Variants in SENP5 observed in about 807,000 individuals in gnomAD.
SENP5 encodes the protein sentrin-specific protease 5.
Under a neutral mutation model 74.2 loss-of-function variants are expected in SENP5, and 21 were observed. The observed-to-expected ratio is 0.28, with a 90% CI of 0.20 to 0.41. The LOEUF (loss-of-function observed/expected upper bound fraction) is 0.41, where lower values mean the gene tolerates loss of function less well. Ranked by LOEUF, SENP5 falls within the 10% of genes least tolerant of loss-of-function variation. The pLI, the probability that SENP5 is intolerant of heterozygous loss-of-function variation, is 1.00. For missense variants in SENP5, 717 were observed against 889.1 expected, an observed-to-expected ratio of 0.81 and a Z score of 2.46; for synonymous variants, 311 against 312.7, an observed-to-expected ratio of 0.99 and a Z score of 0.06.
In SENP5 at chr3:196,929,633, T is replaced by G; in HGVS notation, c.2107T>G (p.Cys703Gly). The change falls in exon 9 of 10, where the codon TGT becomes GGT. Residue 703 changes from cysteine (C) to glycine (G), a missense_variant and splice_region_variant. This residue lies in a region of SENP5 where 85 missense variants were observed against 188.9 expected (regional missense o/e 0.45). Coordinates refer to ENST00000323460, the MANE Select transcript of SENP5 (RefSeq NM_152699.5). ...LQGWQTAVTK[C>G]IPQQKNDSDC... ...ATGACTATTTTGTTTTTCCCTTCAG[T>G]GTATTCCACAACAGAAAAACGACAG... 6.3e-7 allele frequency: 1 copy of G among 1,595,854 alleles called. No homozygotes were observed. The highest frequency in any genetic ancestry group is 8.6e-7 in the Non-Finnish European group (1 of 1,165,516).
intron 2 of SENP5, among the ~76,000 whole-genome samples, chr3:196,889,058 T>C (rs1286397899): frequency 1.3e-5 from 2 of 151,306 alleles, no homozygotes; most frequent in Non-Finnish European, 1.5e-5. Context: ...GGAGCTTGCA[T>C]TGAGCTGAGA....
intron 5 of SENP5, among the ~76,000 whole-genome samples, chr3:196,902,713 A>G (rs1004124526): frequency 3.3e-5 from 5 of 152,220 alleles, no homozygotes; most frequent in African/African-American, 9.6e-5. Flanking sequence ...TTTACCCTCT[A>G]AGATGAGCTG....
intron 6 of SENP5, among the ~76,000 whole-genome samples, chr3:196,921,774 A>T (rs1715629124): frequency 6.6e-6 from 1 of 152,234 alleles, no homozygotes; most frequent in Non-Finnish European, 1.5e-5. Flanking sequence ...TTAACAGAAG[A>T]TTCATTTAGA....
intron 2 of SENP5, among the ~76,000 whole-genome samples, chr3:196,888,007 A>G (rs889661081): frequency 1.3e-5 from 2 of 152,236 alleles, no homozygotes; most frequent in Non-Finnish European, 1.5e-5. Flanking sequence ...AGCTCAGGCA[A>G]TCTGCCCGCC....
At chr3:196,893,345 A>G (rs897627033) in intron 2 of SENP5, among the ~76,000 whole-genome samples, 2 of 152,198 alleles carry the variant, frequency 1.3e-5, no homozygotes, top group African/African-American at 2.4e-5. Context: ...AGACATTTAA[A>G]TCTTGTGTGC....
intron 2 of SENP5, among the ~76,000 whole-genome samples, chr3:196,891,089 A>G (rs1034318796): frequency 6.6e-6 from 1 of 152,242 alleles, no homozygotes; most frequent in Non-Finnish European, 1.5e-5. Flanking sequence ...AAAATTTGGT[A>G]TATCTATACA....
intron 6 of SENP5, among the ~76,000 whole-genome samples, chr3:196,909,189 A>G (rs937584094): frequency 1.3e-5 from 2 of 151,976 alleles, no homozygotes; most frequent in African/African-American, 2.4e-5. Context: ...CTGGACACAT[A>G]CACCTTCCCA....
intron 1 of SENP5, among the ~76,000 whole-genome samples, chr3:196,883,729 C>T (rs1243081964): frequency 6.6e-6 from 1 of 151,764 alleles, no homozygotes; most frequent in Non-Finnish European, 1.5e-5. Flanking sequence ...ACTCTTGTCT[C>T]CCAGGCTGGA....
rs557471391 is a variant in SENP5 at position 196,894,280 on chromosome 3, C to T, written c.1514-5386C>T. On this transcript the variant is annotated intron_variant, in intron 2 of 9. Transcript: ENST00000323460. ...TTGGGATGACAGGTGCCCGCCACCA[C>T]GCCCGGCTAATTTTGTATTTTTAGT... Among the ~76,000 whole-genome samples the T allele has an allele frequency of 4.0e-5, 6 of 151,756 alleles. No individual in the cohort carries two copies. In the South Asian group the frequency reaches 6.3e-4, roughly 16 times the overall value.
At position 196,893,657 on chromosome 3, in the gene SENP5, C is replaced by T. The variant is rs80260054; in HGVS notation, c.1514-6009C>T. 1.2e-3 allele frequency among the ~76,000 whole-genome samples: 187 copies of T among 152,182 alleles called. 5 individuals are homozygous for T. The East Asian group carries it at 0.03, about 25-fold the overall frequency. ...GGGCGCGGTGGCTCATGCCTGTAAT[C>T]CCAGCACTTTGGGAGGCCGAGGTGG... On this transcript the variant is annotated intron_variant, in intron 2 of 9. Coordinates refer to ENST00000323460, the MANE Select transcript of SENP5 (RefSeq NM_152699.5).
At chr3:196,874,740 G>T (rs1021820355) in intron 1 of SENP5, among the ~76,000 whole-genome samples, 3 of 152,096 alleles carry the variant, frequency 2.0e-5, no homozygotes, top group African/African-American at 7.2e-5. Flanking sequence ...TTGGCTGGGC[G>T]TGGTGGCGCA....
intron 2 of SENP5, among the ~76,000 whole-genome samples, chr3:196,895,889 G>T (rs544888430): frequency 7.2e-5 from 11 of 152,262 alleles, no homozygotes; most frequent in African/African-American, 2.2e-4. Context: ...TGTACTTGCA[G>T]AGTGCTCTGT....
chr3:196,923,631 A>T, intron 7 of SENP5, 80 bp downstream of exon 7: 1 of 939,832 alleles, frequency 1.1e-6, no homozygotes, highest in South Asian at 1.6e-5. Flanking sequence ...GAACAGCAGC[A>T]GTCAAAACCA....
chr3:196,902,819 C>T (rs945662329), intron 5 of SENP5, among the ~76,000 whole-genome samples: 5 of 152,218 alleles, frequency 3.3e-5, no homozygotes, highest in Non-Finnish European at 7.3e-5. Context: ...TAGAAATAAT[C>T]ATGCCAAGGC....
chr3:196,914,314 T>G (rs1715260843), intron 6 of SENP5: 1 of 151,992 alleles, frequency 6.6e-6, no homozygotes, highest in African/African-American at 2.4e-5. Context: ...ACTTGGTCAT[T>G]CATGCATTAG....
At chr3:196,898,132 C>T (rs531322043) in intron 2 of SENP5, among the ~76,000 whole-genome samples, 6 of 147,748 alleles carry the variant, frequency 4.1e-5, no homozygotes, top group Non-Finnish European at 5.9e-5. Context: ...GAGCCGAAAT[C>T]GCACCATTGC....
At chr3:196,913,315 C>T (rs1345097370) in intron 6 of SENP5, 1 of 151,990 alleles carries the variant, frequency 6.6e-6, no homozygotes, top group Non-Finnish European at 1.5e-5. Flanking sequence ...ATTAGCCGGG[C>T]AAGGTGGCAT....
At chr3:196,923,743 A>T (rs1383925968) in intron 7 of SENP5, among the ~76,000 whole-genome samples, 192 bp downstream of exon 7, 1 of 152,214 alleles carries the variant, frequency 6.6e-6, no homozygotes, top group Non-Finnish European at 1.5e-5. Context: ...TAGGATCCAG[A>T]TCCCCCTCTG....
Position 196,931,966 on chromosome 3 carries a change from G to A in SENP5, c.*1043G>A, listed in dbSNP as rs759741273. On this transcript the variant is annotated 3_prime_UTR_variant, in exon 10 of 10. Coordinates refer to ENST00000323460, the MANE Select transcript of SENP5 (RefSeq NM_152699.5). ...AGAGACAACTTAGTCCCATGGGAGC[G>A]CAGCAACCGTGTCAGGTTCTTTCTC... The A allele has an allele frequency of 3.1e-5, 14 of 447,784 alleles. No individual in the cohort carries two copies. Among genetic ancestry groups the A allele is most frequent in the South Asian group, 2.1e-4 (13 of 63,060 alleles). The allele number at this position is 447,784 out of a possible 1,614,324, so 27.7% of individuals were successfully genotyped here.
Sources: allele counts gnomAD v4.1 joint callset (sites outside exome capture counted in the v4.1 genomes callset), GRCh38; gene constraint gnomAD v4.1.1; regional missense constraint gnomAD v4.1.1; transcripts MANE v1.5; gene names NCBI Gene and HGNC (gene_info 2026-07-23, HGNC 2026-07-21).